The following PREX1 variants were observed in gnomAD, a reference collection of about 807,000 sequenced individuals.
PREX1 encodes the protein phosphatidylinositol 3,4,5-trisphosphate-dependent Rac exchanger 1 protein.
Under a neutral mutation model 198.3 loss-of-function variants are expected in PREX1, and 41 were observed. That is an observed-to-expected ratio of 0.21 (90% CI 0.16 to 0.27). The LOEUF (loss-of-function observed/expected upper bound fraction) is 0.27, where lower values mean the gene tolerates loss of function less well. PREX1 is among the 10% of genes least tolerant of loss of function. The pLI is 1.00. For missense variants in PREX1, 1,620 were observed against 2,200.7 expected, an observed-to-expected ratio of 0.74 and a Z score of 5.28; for synonymous variants, 843 against 887.2, an observed-to-expected ratio of 0.95 and a Z score of 0.89.
intron 18 of PREX1, 29 bp from the exon 19 acceptor site, chr20:48,655,404 A>C (rs1230778287): frequency 6.9e-7 from 1 of 1,450,552 alleles, no homozygotes; most frequent in Non-Finnish European, 9.3e-7. Context: ...GCAGGGAAAA[A>C]GGCCATGAGG....
intron 14 of PREX1, among the ~76,000 whole-genome samples, chr20:48,667,556 T>C (rs2122969991): frequency 6.6e-6 from 1 of 152,328 alleles, no homozygotes; most frequent in Non-Finnish European, 1.5e-5. Flanking sequence ...TGGAACCACC[T>C]AGCTCCATGC....
At chr20:48,877,477 A>C in the PREX1 span, among the ~76,000 whole-genome samples, 18,092 of 152,016 alleles carry the variant, frequency 0.12, 1,268 homozygotes, top group Non-Finnish European at 0.16. Context: ...CTCAGTGGCA[A>C]AATAGCTTAG....
the PREX1 span, among the ~76,000 whole-genome samples, chr20:48,860,088 A>G: frequency 1.1e-4 from 16 of 152,358 alleles, no homozygotes; most frequent in African/African-American, 3.1e-4. Flanking sequence ...TGTTCATAGC[A>G]GCATTATTCA....
At chr20:48,650,301 G>GGATAA in intron 23 of PREX1, 95 bp from the exon 24 acceptor site, 1 of 1,247,120 alleles carries the variant, frequency 8.0e-7, no homozygotes, top group Non-Finnish European at 1.1e-6. Flanking sequence ...GCCTAGGCCA[G>GGATAA]ATGCCCCACA....
At chr20:48,653,550 C>A in intron 19 of PREX1, 53 bp from the exon 20 acceptor site, 1 of 1,574,156 alleles carries the variant, frequency 6.4e-7, no homozygotes, top group Non-Finnish European at 8.7e-7. Context: ...ACAAGCAGCC[C>A]GCTGAACACT....
chr20:48,785,441 G>A (rs911488376), intron 1 of PREX1, among the ~76,000 whole-genome samples: 1 of 152,226 alleles, frequency 6.6e-6, no homozygotes. Context: ...TACCTCCACT[G>A]CCATCCATTC....
At chr20:48,625,981 T>C (rs1340688544) in intron 39 of PREX1, 54 bp from the exon 40 acceptor site, 3 of 1,455,032 alleles carry the variant, frequency 2.1e-6, no homozygotes, top group Non-Finnish European at 2.7e-6. Context: ...CAGGACCTAT[T>C]TGTATTATTT....
chr20:48,817,908 C>A (rs1026989795), intron 1 of PREX1, among the ~76,000 whole-genome samples: 1 of 152,072 alleles, frequency 6.6e-6, no homozygotes, highest in African/African-American at 2.4e-5. Flanking sequence ...CTGTGACATT[C>A]CAGCGAGGGA....
At chr20:48,756,102 A>G (rs535014960) in intron 1 of PREX1, among the ~76,000 whole-genome samples, 1 of 152,282 alleles carries the variant, frequency 6.6e-6, no homozygotes, top group South Asian at 2.1e-4. Flanking sequence ...TGAGATGGAA[A>G]GATTTACCTT....
At chr20:48,658,890 G>A (rs935780903) in intron 16 of PREX1, among the ~76,000 whole-genome samples, 14 of 151,910 alleles carry the variant, frequency 9.2e-5, no homozygotes, top group African/African-American at 1.7e-4. Flanking sequence ...GACACAGCAC[G>A]TACAAAGGTC....
Position 48,708,355 on chromosome 20 carries a change from T to C in PREX1, c.688A>G (p.Met230Val). The C allele has an allele frequency of 6.2e-7, 1 of 1,614,124 alleles. No individual in the cohort carries two copies. Among genetic ancestry groups the C allele is most frequent in the Non-Finnish European group, 8.5e-7 (1 of 1,180,038 alleles). ...HPAVQSALQA[M>V]KTVCSNINET... ...TTGATGTTGGAGCAAACGGTCTTCA[T>C]GGCCTGCAGGGCACTCTGGACCGCG... Residue 230 changes from methionine (M) to valine (V), a missense_variant, in exon 6 of 40, where the codon ATG (methionine) becomes GTG (valine). Transcript: ENST00000371941.
intron 1 of PREX1, among the ~76,000 whole-genome samples, chr20:48,750,567 C>T (rs2090129716): frequency 6.6e-6 from 1 of 152,078 alleles, no homozygotes; most frequent in African/African-American, 2.4e-5. Context: ...ACTCCTGCCT[C>T]AGGACCTTTG....
intron 33 of PREX1, among the ~76,000 whole-genome samples, chr20:48,633,405 A>C (rs1601028666): frequency 6.6e-6 from 1 of 152,224 alleles, no homozygotes. Context: ...GTAGTAGTAT[A>C]ATTTCATGGG....
At chr20:48,672,498 C>T (rs184592514) in intron 14 of PREX1, among the ~76,000 whole-genome samples, 87 of 152,374 alleles carry the variant, frequency 5.7e-4, no homozygotes, top group African/African-American at 2.0e-3. Context: ...TGAAGCCACA[C>T]ACACTGCTCC....
chr20:48,887,505 A>G, the PREX1 span, among the ~76,000 whole-genome samples: 3 of 152,344 alleles, frequency 2.0e-5, no homozygotes, highest in East Asian at 5.8e-4. Flanking sequence ...CTGTGGTCCC[A>G]GCTACTTGGG....
At chr20:48,823,182 T>C (rs1430655971) in intron 1 of PREX1, among the ~76,000 whole-genome samples, 3 of 152,140 alleles carry the variant, frequency 2.0e-5, no homozygotes, top group Non-Finnish European at 4.4e-5. Context: ...CCTCTGTGTC[T>C]CTATAGCTCT....
rs553516691 is a variant in PREX1, at chr20:48,717,905, G to C, written c.621+8385C>G. The stretch of plus-strand genomic sequence containing the variant: ...GTGCCTATGCCTCTTGGGTATGCAA[G>C]GTAGTGATGAGACCAAGCTAAATGT... On this transcript the variant is annotated intron_variant, in intron 5 of 39. Coordinates refer to ENST00000371941, the MANE Select transcript of PREX1 (RefSeq NM_020820.4). Among the ~76,000 whole-genome samples the C allele has an allele frequency of 2.6e-5, 4 of 152,314 alleles. No homozygotes were observed. In the South Asian group the frequency reaches 8.3e-4, roughly 32 times the overall value.
At chr20:48,823,224 G>A (rs1485030307) in intron 1 of PREX1, among the ~76,000 whole-genome samples, 1 of 152,140 alleles carries the variant, frequency 6.6e-6, no homozygotes, top group Non-Finnish European at 1.5e-5. Flanking sequence ...CCTTCGAGGA[G>A]CTGCTGACCA....
rs1408899061 is a variant in PREX1 at position 48,691,095 on chromosome 20, C to T, written c.1038G>A (p.Ala346=). The T allele has an allele frequency of 5.6e-6, 9 of 1,614,064 alleles. No homozygotes were observed. Among genetic ancestry groups the T allele is most frequent in the Admixed American group, 1.7e-5 (1 of 60,006 alleles). ...MEVENVEDGT[A]DYHSNGYTVT... ...CGGTATAGCCGTTGCTATGGTAATC[C>T]GCTGGTGGGGGCAGGAGGCAAAGGT... The change falls in exon 9 of 40, where the codon GCG becomes GCA. Residue 346 remains alanine, a splice_region_variant and synonymous_variant. Transcript: ENST00000371941. This position sits in a 1 kb window ranked among gnomAD's most constrained non-coding sequence, Gnocchi z 5.0.
Sources: allele counts gnomAD v4.1 joint callset (sites outside exome capture counted in the v4.1 genomes callset), GRCh38; gene constraint gnomAD v4.1.1; non-coding constraint Gnocchi (gnomAD v3.1); transcripts MANE v1.5; gene names NCBI Gene and HGNC (gene_info 2026-07-23, HGNC 2026-07-21).